POFUT4: variants seen among roughly 807,000 people sequenced by gnomAD.
POFUT4 encodes protein O-fucosyltransferase 4.
chr10:73,772,340 G>GC, the POFUT4 span: 1 of 1,455,866 alleles, frequency 6.9e-7, no homozygotes, highest in Non-Finnish European at 9.0e-7. Flanking sequence ...GGACATGGCG[G>GC]CCGGCCCCAT....
the POFUT4 span, chr10:73,772,314 CGCCGGCTGCCGGAGTGGACATGGCG>C: frequency 6.3e-6 from 9 of 1,417,454 alleles, no homozygotes; most frequent in Non-Finnish European, 8.3e-6. Context: ...GCCGAGGGGG[CGCCGGCTGCCGGAGTGGACATGGCG>C]GCCGGCCCCA....
At chr10:73,772,314 C>T in the POFUT4 span, 3 of 1,417,572 alleles carry the variant, frequency 2.1e-6, no homozygotes, top group South Asian at 1.6e-5. Flanking sequence ...GCCGAGGGGG[C>T]GCCGGCTGCC....
chr10:73,775,540 G>T, the POFUT4 span: 2 of 1,614,214 alleles, frequency 1.2e-6, no homozygotes, highest in African/African-American at 2.7e-5. Flanking sequence ...TGATATTTCA[G>T]TTGGAAAGAG....
At chr10:73,772,317 C>T in the POFUT4 span, 5 of 1,424,948 alleles carry the variant, frequency 3.5e-6, no homozygotes, top group South Asian at 3.1e-5. Context: ...GAGGGGGCGC[C>T]GGCTGCCGGA....
the POFUT4 span, chr10:73,775,640 T>C: frequency 6.2e-7 from 1 of 1,614,208 alleles, no homozygotes; most frequent in South Asian, 1.1e-5. Context: ...AGACGAAATT[T>C]TGGGATTACC....
At chr10:73,773,955 T>C in the POFUT4 span, 1 of 934,750 alleles carries the variant, frequency 1.1e-6, no homozygotes. Flanking sequence ...GTGTCAACAG[T>C]CTAGTTGGGG....
chr10:73,773,714 C>G, the POFUT4 span: 1 of 1,614,240 alleles, frequency 6.2e-7, no homozygotes, highest in Admixed American at 1.7e-5. Flanking sequence ...CTCCCGGGGA[C>G]AGCCCCGTCT....
the POFUT4 span, chr10:73,773,019 G>C: frequency 6.3e-7 from 1 of 1,578,556 alleles, no homozygotes; most frequent in Non-Finnish European, 8.6e-7. Flanking sequence ...CGCTACGTGC[G>C]CGAGCTCATG....
At chr10:73,775,571 G>A in the POFUT4 span, 1 of 1,614,172 alleles carries the variant, frequency 6.2e-7, no homozygotes, top group Non-Finnish European at 8.5e-7. Flanking sequence ...AAGATTATTG[G>A]CAAGGTCTGG....
chr10:73,775,525 C>T, the POFUT4 span: 1 of 1,614,240 alleles, frequency 6.2e-7, no homozygotes, highest in Non-Finnish European at 8.5e-7. Context: ...ATCCAACCCC[C>T]ATTTTGATAT....
the POFUT4 span, chr10:73,773,160 C>A: frequency 6.3e-7 from 1 of 1,574,874 alleles, no homozygotes; most frequent in East Asian, 2.2e-5. Flanking sequence ...GGGCCGCACC[C>A]TCATGACAGC....
chr10:73,776,645 G>C, the POFUT4 span, among the ~76,000 whole-genome samples: 2 of 152,168 alleles, frequency 1.3e-5, no homozygotes, highest in Non-Finnish European at 2.9e-5. Flanking sequence ...CATGATCACT[G>C]CACTCCAGCC....
the POFUT4 span, chr10:73,773,064 G>T: frequency 1.9e-6 from 3 of 1,551,860 alleles, no homozygotes; most frequent in Non-Finnish European, 8.6e-7. Flanking sequence ...GGGCCGGAGG[G>T]AAGGAAAAGG....
At chr10:73,772,312 G>A in the POFUT4 span, 2 of 1,419,266 alleles carry the variant, frequency 1.4e-6, no homozygotes, top group Non-Finnish European at 9.2e-7. Context: ...TGGCCGAGGG[G>A]GCGCCGGCTG....
At chr10:73,775,045 A>G in the POFUT4 span, 1 of 219,070 alleles carries the variant, frequency 4.6e-6, no homozygotes, top group Admixed American at 5.2e-5. Context: ...TCTGAACATA[A>G]TATGATTTAC....
chr10:73,779,579 AT>A, the POFUT4 span: 1 of 151,570 alleles, frequency 6.6e-6, no homozygotes, highest in Non-Finnish European at 1.5e-5. Flanking sequence ...AAAAAAAAAA[AT>A]CTGTTAAAAT....
chr10:73,779,869 A>T, the POFUT4 span: 1 of 152,216 alleles, frequency 6.6e-6, no homozygotes, highest in African/African-American at 2.4e-5. Flanking sequence ...CTGTTGCTGG[A>T]GCCTCAGGCC....
At chr10:73,774,229 G>A in the POFUT4 span, 1 of 161,484 alleles carries the variant, frequency 6.2e-6, no homozygotes, top group South Asian at 1.8e-4. Context: ...TGGAAATGGG[G>A]TTGGGCAGTA....
At chr10:73,773,547 C>G in the POFUT4 span, 1 of 1,614,244 alleles carries the variant, frequency 6.2e-7, no homozygotes, top group Non-Finnish European at 8.5e-7. Context: ...ATACAAGCAA[C>G]CTGGGGGCAT....
Sources: gnomAD v4.1 joint callset for allele counts (sites outside exome capture counted in the v4.1 genomes callset) on GRCh38, gnomAD v4.1.1 for gene constraint, MANE v1.5 for transcripts, NCBI Gene and HGNC (gene_info 2026-07-23, HGNC 2026-07-21) for gene names.